The following PDLIM2 variants were observed in gnomAD, a reference collection of about 807,000 sequenced individuals.
PDLIM2 encodes the protein PDZ and LIM domain protein 2.
A neutral mutation model predicts 54.1 loss-of-function variants in PDLIM2; 51 were observed. The ratio of observed to expected loss-of-function variants is 0.94; its 90% CI spans 0.75 to 1.19. The LOEUF is 1.19. PDLIM2 is among the 50% of genes most tolerant of loss of function. The pLI, the probability that PDLIM2 is intolerant of heterozygous loss-of-function variation, is 0.00. For missense variants in PDLIM2, 912 were observed against 874.0 expected, an observed-to-expected ratio of 1.04 and a Z score of -0.55; for synonymous variants, 398 against 385.6, an observed-to-expected ratio of 1.03 and a Z score of -0.38.
intron 1 of PDLIM2, 80 bp from the exon 1 acceptor site, chr8:22,580,395 A>C: frequency 7.8e-7 from 1 of 1,283,968 alleles, no homozygotes; most frequent in Non-Finnish European, 1.0e-6. Flanking sequence ...GAGAACCCAG[A>C]AGCATGGCTT....
At chr8:22,589,118 G>A in intron 6 of PDLIM2, 180 bp from the exon 6 acceptor site, 2 of 517,922 alleles carry the variant, frequency 3.9e-6, no homozygotes, top group Non-Finnish European at 7.0e-6. Flanking sequence ...GGGCCCGCTG[G>A]TCGGCGAGGG....
exon 1 of PDLIM2, chr8:22,579,292 C>A: frequency 7.2e-7 from 1 of 1,385,798 alleles, no homozygotes; most frequent in South Asian, 1.6e-5. Context: ...TCTCCGCGCC[C>A]CTGTCGGCGC....
At chr8:22,589,025 C>G (rs966783072) in intron 6 of PDLIM2, 2 of 564,516 alleles carry the variant, frequency 3.5e-6, no homozygotes, top group Non-Finnish European at 6.3e-6. Context: ...TCCTGCTGCC[C>G]GGTCCCCGGC....
chr8:22,582,780 C>G (rs1284687853), intron 3 of PDLIM2, among the ~76,000 whole-genome samples: 3 of 151,902 alleles, frequency 2.0e-5, no homozygotes, highest in African/African-American at 4.8e-5. Flanking sequence ...TGGGGTTTCA[C>G]CACGTTGGCC....
downstream of PDLIM2, chr8:22,595,092 G>C (rs1170602180): frequency 6.4e-6 from 1 of 156,656 alleles, no homozygotes; most frequent in Non-Finnish European, 1.4e-5. Context: ...GCTGCGGAGG[G>C]GGCAGCCTCA....
chr8:22,594,726 C>T (rs1246349412), downstream of PDLIM2: 4 of 1,522,376 alleles, frequency 2.6e-6, no homozygotes, highest in South Asian at 3.9e-5. Flanking sequence ...CCGACACCTT[C>T]CACTTCTTTC....
At chr8:22,583,076 A>G (rs1171802074) in intron 3 of PDLIM2, among the ~76,000 whole-genome samples, 2 of 151,852 alleles carry the variant, frequency 1.3e-5, no homozygotes. Context: ...GTTGCCCTAC[A>G]TCTCTAGAGG....
Position 22,581,275 on chromosome 8 carries a change from C to T in PDLIM2, c.844-104C>T. On this transcript the variant is annotated intron_variant, in intron 2 of 9. Coordinates refer to ENST00000308354, the Ensembl canonical transcript of PDLIM2. The stretch of plus-strand genomic sequence containing the variant: ...AGAGGGACATGCAGGAGGGTGCAGG[C>T]CGGCCTGGGTCAAGCCAGCCTCTGT... 10 of 1,445,270 alleles carry T rather than the reference C, an allele frequency of 6.9e-6. No individual in the cohort carries two copies. In the South Asian group the frequency reaches 1.2e-4, roughly 17 times the overall value. The allele number at this position is 1,445,270 out of a possible 1,614,324, so 89.5% of individuals were successfully genotyped here.
intron 3 of PDLIM2, among the ~76,000 whole-genome samples, chr8:22,583,261 G>GA (rs759249352): frequency 1.6e-4 from 24 of 152,102 alleles, no homozygotes; most frequent in Non-Finnish European, 1.6e-4. Flanking sequence ...TACTTGTCTG[G>GA]AAGGAGGCAG....
rs1057108097 is a variant in PDLIM2 at position 22,584,210 on chromosome 8, CTTG to C, written c.996-607_996-605del. 6.7e-4 allele frequency among the ~76,000 whole-genome samples: 101 copies of C among 150,352 alleles called. 1 individual carries two copies. The highest frequency in any genetic ancestry group is 1.9e-3 in the African/African-American group (78 of 40,818). ...TTTTTAATTAGAGATGGGGTTTCAC[CTTG>C]TTGATGACCAGGCTGGTCTGGAACT... On this transcript the variant is annotated intron_variant, in intron 3 of 9. Transcript: ENST00000308354.
intron 3 of PDLIM2, among the ~76,000 whole-genome samples, chr8:22,583,963 A>G (rs1237589496): frequency 6.8e-6 from 1 of 148,024 alleles, no homozygotes; most frequent in Non-Finnish European, 1.5e-5. Flanking sequence ...TCTACTTTTT[A>G]GAACCAAACT....
At chr8:22,579,677 T>C in intron 1 of PDLIM2, 1 of 981,712 alleles carries the variant, frequency 1.0e-6, no homozygotes, top group South Asian at 2.1e-5. Flanking sequence ...CTCGCAGCAC[T>C]TGCGTCCCCA....
At position 22,581,004 on chromosome 8, in the gene PDLIM2, C is replaced by G. The variant is rs998538292; in HGVS notation, c.843+307C>G. The G allele has an allele frequency of 6.1e-6, 4 of 657,274 alleles. No homozygotes were observed. In the East Asian group the frequency reaches 1.3e-4, roughly 21 times the overall value. 40.7% of individuals were successfully genotyped at this position (657,274 alleles called of 1,614,324 possible). ...TTACTAGAACAAGAGCCCCGGAGTT[C>G]TTGGCAGTCTCCTCTTGACCTGGGC... On this transcript the variant is annotated intron_variant, in intron 2 of 9. Coordinates refer to ENST00000308354, the Ensembl canonical transcript of PDLIM2.
intron 6 of PDLIM2, among the ~76,000 whole-genome samples, chr8:22,587,270 T>C (rs962813002): frequency 1.3e-5 from 2 of 152,044 alleles, no homozygotes; most frequent in Non-Finnish European, 2.9e-5. Flanking sequence ...CTGTGACATG[T>C]GCCTGGAGCC....
chr8:22,580,120 C>A, intron 1 of PDLIM2: 1 of 235,244 alleles, frequency 4.3e-6, no homozygotes, highest in South Asian at 4.9e-5. Context: ...ACCCGTCACT[C>A]CTGCTTCCTG....
At chr8:22,580,175 G>C in intron 1 of PDLIM2, 1 of 288,434 alleles carries the variant, frequency 3.5e-6, no homozygotes, top group South Asian at 3.2e-5. Flanking sequence ...CCCCAGAGTG[G>C]AGAGGAAGTA....
At chr8:22,591,434 CGT>C (rs1196528782) in intron 8 of PDLIM2, 115 bp from the exon 8 acceptor site, 6 of 872,930 alleles carry the variant, frequency 6.9e-6, no homozygotes, top group Non-Finnish European at 1.1e-5. Flanking sequence ...CCACTGTCAG[CGT>C]GACTTTAGGG....
chr8:22,593,731 A>G lies in PDLIM2; in HGVS notation c.1632-2A>G. 1 of 1,577,578 alleles carries G rather than the reference A, an allele frequency of 6.3e-7. No homozygotes were observed. Reference sequence around the variant, plus strand: ...GAGCTAAAGCCTCTCCCTCCCCTTCAGGAACCAGGCTGTGCGCATCCAGGA... The same window carrying G: ...GAGCTAAAGCCTCTCCCTCCCCTTCGGGAACCAGGCTGTGCGCATCCAGGA... On this transcript the variant is annotated splice_acceptor_variant, in intron 9 of 9. Transcript: ENST00000308354. LOFTEE classifies it high-confidence loss of function.
Position 22,585,406 on chromosome 8 carries a change from C to A in PDLIM2, c.1290+7C>A. On this transcript the variant is annotated splice_region_variant and intron_variant, in intron 6 of 9. Coordinates refer to ENST00000308354, the Ensembl canonical transcript of PDLIM2. Reference sequence around the variant, plus strand: ...CCGCCCTGGAAGCCGACAGGTGAGGCTCCCTGGGGGAGGACAGGCTGGAGG... The same window carrying A: ...CCGCCCTGGAAGCCGACAGGTGAGGATCCCTGGGGGAGGACAGGCTGGAGG... The A allele has an allele frequency of 6.2e-7, 1 of 1,605,338 alleles. No homozygotes were observed. The highest frequency in any genetic ancestry group is 8.5e-7 in the Non-Finnish European group (1 of 1,176,096).
Sources: allele counts gnomAD v4.1 joint callset (sites outside exome capture counted in the v4.1 genomes callset), GRCh38; gene constraint gnomAD v4.1.1; transcripts MANE v1.5; gene names NCBI Gene and HGNC (gene_info 2026-07-23, HGNC 2026-07-21).